Variants in SH3KBP1 observed in about 807,000 individuals in gnomAD.
The protein encoded by SH3KBP1 is SH3 domain-containing kinase-binding protein 1.
In SH3KBP1, 8 loss-of-function variants were observed where a neutral mutation model predicts 50.1. That is an observed-to-expected ratio of 0.16 (90% CI 0.09 to 0.29). The LOEUF is 0.29. Among genes scored for constraint, SH3KBP1 ranks in the 10% least tolerant of loss-of-function variants. SH3KBP1 has a pLI of 1.00. For synonymous variants in SH3KBP1, 227 were observed against 218.6 expected (o/e 1.04, Z -0.34); for missense variants, 377 against 535.2 (o/e 0.70, Z 2.92).
At chrX:19,695,838 G>A in intron 4 of SH3KBP1, 97 bp from the exon 5 acceptor site, 1 of 805,622 alleles carries the variant, frequency 1.2e-6, no homozygotes, top group Non-Finnish European at 1.8e-6. Flanking sequence ...AGCATGCAGA[G>A]CCCACACAGG....
At chrX:19,596,219 C>G (rs964543333) in intron 9 of SH3KBP1, among the ~76,000 whole-genome samples, 1 of 111,884 alleles carries the variant, frequency 8.9e-6, no homozygotes, top group Non-Finnish European at 1.9e-5. Flanking sequence ...AACGCAAACT[C>G]GGTTTTAGAC....
intron 6 of SH3KBP1, among the ~76,000 whole-genome samples, chrX:19,666,999 G>A (rs1168319442): frequency 8.9e-6 from 1 of 112,441 alleles, no homozygotes; most frequent in Non-Finnish European, 1.9e-5. Flanking sequence ...TCCATAGAAT[G>A]AAATAATACT....
rs149866739 is a variant in SH3KBP1, at chrX:19,826,260, G to A, written c.162+9865C>T. Reference sequence around the variant, plus strand: ...ATCATCCTCTAGAAGTTACATTTGTGACAATATTCCATTCAGTCCATCTCA... The same window carrying A: ...ATCATCCTCTAGAAGTTACATTTGTAACAATATTCCATTCAGTCCATCTCA... On this transcript the variant is annotated intron_variant, in intron 2 of 17. Transcript: ENST00000397821. Among the ~76,000 whole-genome samples, 24 of 112,180 alleles carry A rather than the reference G, an allele frequency of 2.1e-4. No individual in the cohort carries two copies. In the East Asian group the frequency reaches 5.9e-3, roughly 27 times the overall value.
chrX:19,638,133 G>A (rs1276303733), intron 7 of SH3KBP1, among the ~76,000 whole-genome samples: 4 of 107,372 alleles, frequency 3.7e-5, no homozygotes, highest in African/African-American at 6.8e-5. Context: ...ACAAAAGGCC[G>A]GGTGCGGTGG....
intron 3 of SH3KBP1, among the ~76,000 whole-genome samples, chrX:19,742,557 C>T (rs896068580): frequency 1.8e-5 from 2 of 110,484 alleles, no homozygotes; most frequent in South Asian, 3.8e-4. Flanking sequence ...CATTTGAATG[C>T]GTTTTTTTTG....
At chrX:19,542,759 C>T (rs970867187) in intron 15 of SH3KBP1, among the ~76,000 whole-genome samples, 5 of 111,742 alleles carry the variant, frequency 4.5e-5, no homozygotes, top group East Asian at 2.8e-4. Flanking sequence ...GAAGCTGCAG[C>T]GGGAGGGAAC....
intron 1 of SH3KBP1, among the ~76,000 whole-genome samples, chrX:19,879,940 G>C (rs2069381654): frequency 8.9e-6 from 1 of 112,145 alleles, no homozygotes; most frequent in Non-Finnish European, 1.9e-5. Context: ...GGTGGTGCGG[G>C]GGGCGGCTGG....
At position 19,804,887 on chromosome X, in the gene SH3KBP1, C is replaced by CG. The variant is rs1198578805; in HGVS notation, c.162+31237_162+31238insC. Among the ~76,000 whole-genome samples the CG allele has an allele frequency of 5.3e-4, 42 of 78,721 alleles. 2 individuals are homozygous for CG. The highest frequency in any genetic ancestry group is 1.9e-3 in the African/African-American group (41 of 21,822). The allele number at this position is 78,721 out of a possible 115,157, so 68.4% of individuals were successfully genotyped here. ...CCGCCCCCAGCCCAAACCCTACCCC[C>CG]CCCCCCCCACCCGCTGCCATCACAA... On this transcript the variant is annotated intron_variant, in intron 2 of 17. Transcript: ENST00000397821.
chrX:19,850,369 A>T (rs957310819), intron 1 of SH3KBP1, among the ~76,000 whole-genome samples: 3 of 111,075 alleles, frequency 2.7e-5, no homozygotes, highest in Admixed American at 9.6e-5. Flanking sequence ...TTTTTAGTAG[A>T]GACGGGGTTT....
intron 8 of SH3KBP1, among the ~76,000 whole-genome samples, chrX:19,621,160 C>T (rs1234515978): frequency 9.7e-6 from 1 of 102,791 alleles, no homozygotes; most frequent in African/African-American, 3.6e-5. Context: ...CTGCAAGCTC[C>T]GCCTTCTGGG....
intron 9 of SH3KBP1, among the ~76,000 whole-genome samples, chrX:19,596,392 T>A (rs1040217303): frequency 1.8e-5 from 2 of 112,020 alleles, no homozygotes; most frequent in Non-Finnish European, 3.8e-5. Flanking sequence ...AAACTAATGA[T>A]ATCTGAGCCT....
rs16981255 is a variant in SH3KBP1, at chrX:19,646,900, C to T, written c.727-1425G>A. On this transcript the variant is annotated intron_variant, in intron 6 of 17. Transcript: ENST00000397821. ...AAATAATATGCCACCTCTAAACTGCCGCTAAGTACTCAAACTAATAACATT... is the reference window on the plus strand; with the variant it reads ...AAATAATATGCCACCTCTAAACTGCTGCTAAGTACTCAAACTAATAACATT... Among the ~76,000 whole-genome samples, 696 of 111,985 alleles carry T rather than the reference C, an allele frequency of 6.2e-3. 7 individuals are homozygous for T. Among genetic ancestry groups the T allele is most frequent in the African/African-American group, 0.02 (607 of 30,833 alleles).
intron 1 of SH3KBP1, among the ~76,000 whole-genome samples, chrX:19,866,677 G>A (rs775012338): frequency 7.0e-5 from 7 of 100,322 alleles, no homozygotes; most frequent in African/African-American, 2.5e-4. Context: ...GCAACAGAGC[G>A]AGACCCTGTC....
chrX:19,781,022 CA>C (rs1242400244), intron 2 of SH3KBP1, among the ~76,000 whole-genome samples: 17 of 111,358 alleles, frequency 1.5e-4, no homozygotes, highest in Middle Eastern at 4.7e-3. Flanking sequence ...TTTTCAAGGG[CA>C]AAAAAAGATG....
chrX:19,779,361 G>C (rs777480464), intron 2 of SH3KBP1, among the ~76,000 whole-genome samples: 1 of 108,412 alleles, frequency 9.2e-6, no homozygotes, highest in Non-Finnish European at 1.9e-5. Flanking sequence ...CTAACATCAT[G>C]TATTGGGGGT....
At chrX:19,673,947 G>A (rs895780262) in intron 6 of SH3KBP1, among the ~76,000 whole-genome samples, 1 of 111,994 alleles carries the variant, frequency 8.9e-6, no homozygotes, top group African/African-American at 3.2e-5. Context: ...AATTCCCAAC[G>A]TCTTTTAACA....
At chrX:19,799,849 A>T (rs2147228821) in intron 2 of SH3KBP1, 5 of 1,013,779 alleles carry the variant, frequency 4.9e-6, no homozygotes, top group Non-Finnish European at 6.4e-6. Context: ...CTACACACTC[A>T]CACTGGTGGT....
intron 1 of SH3KBP1, among the ~76,000 whole-genome samples, chrX:19,879,532 C>A (rs745844960): frequency 1.4e-4 from 16 of 111,702 alleles, no homozygotes; most frequent in Admixed American, 3.8e-4. Context: ...CCTGTCCCCC[C>A]ACATAAAAGC....
In SH3KBP1 at chrX:19,698,626, G is replaced by C. The variant is rs763778653; in HGVS notation, c.391-2885C>G. On this transcript the variant is annotated intron_variant, in intron 4 of 17. Transcript: ENST00000397821. The stretch of plus-strand genomic sequence containing the variant: ...GATGCTCATTTTTCTGTGAGCTGGA[G>C]CCCTTCATGGGGGTGGTGGGGGTGG... 5.4e-5 allele frequency among the ~76,000 whole-genome samples: 6 copies of C among 112,134 alleles called. No individual in the cohort carries two copies. In the South Asian group the frequency reaches 2.2e-3, roughly 42 times the overall value.
Sources: allele counts gnomAD v4.1 joint callset (sites outside exome capture counted in the v4.1 genomes callset), GRCh38; gene constraint gnomAD v4.1.1; transcripts MANE v1.5; gene names NCBI Gene and HGNC (gene_info 2026-07-23, HGNC 2026-07-21).